The following MIPOL1 variants were observed in gnomAD, a reference collection of about 807,000 sequenced individuals.
MIPOL1 encodes the protein mirror-image polydactyly gene 1 protein.
A neutral mutation model predicts 60.9 loss-of-function variants in MIPOL1; 57 were observed. That is an observed-to-expected ratio of 0.94 (90% confidence interval 0.76 to 1.17). The LOEUF (loss-of-function observed/expected upper bound fraction) is 1.17, where lower values mean the gene tolerates loss of function less well. MIPOL1 is among the 50% of genes most tolerant of loss of function. The probability of loss-of-function intolerance (pLI) is 0.00; values close to 1 mark genes in which losing one functional copy is unlikely to be tolerated. For synonymous variants in MIPOL1, 179 were observed against 168.8 expected (o/e 1.06, Z -0.47); for missense variants, 551 against 511.6 (o/e 1.08, Z -0.74).
rs113318199 is a variant in MIPOL1 at position 37,456,875 on chromosome 14, C to T, written c.1031+33926C>T. On this transcript the variant is annotated intron_variant, in intron 11 of 12. Transcript: ENST00000684589. ...AGAATCTTTTGGAATAAAGTATGAA[C>T]ATATGAAAACTCACTCTACAGACAA... Among the ~76,000 whole-genome samples the T allele has an allele frequency of 2.1e-3, 323 of 152,088 alleles. 1 individual carries two copies. The highest frequency in any genetic ancestry group is 7.2e-3 in the African/African-American group (301 of 41,524).
In MIPOL1 at chr14:37,356,792, C is replaced by A. The variant is rs182479259; in HGVS notation, c.829-12725C>A. Among the ~76,000 whole-genome samples, 21 of 152,282 alleles carry A rather than the reference C, an allele frequency of 1.4e-4. 1 individual carries two copies. The highest frequency in any genetic ancestry group is 1.2e-3 in the Admixed American group (18 of 15,302). On this transcript the variant is annotated intron_variant, in intron 9 of 12. Coordinates refer to ENST00000684589, the MANE Select transcript of MIPOL1 (RefSeq NM_001388067.1). ...CACGCACGGTGCGCGAACCCACTGA[C>A]CTGCGCCCACTGTCTGGCAGTCCCT... is the stretch of plus-strand genomic sequence containing the variant.
intron 1 of MIPOL1, among the ~76,000 whole-genome samples, chr14:37,241,747 A>T (rs1258666601): frequency 6.6e-6 from 1 of 152,170 alleles, no homozygotes; most frequent in East Asian, 1.9e-4. Context: ...TTCATTATAA[A>T]TTTTTTAAAC....
intron 9 of MIPOL1, among the ~76,000 whole-genome samples, chr14:37,343,008 G>T (rs980390477): frequency 6.7e-6 from 1 of 149,680 alleles, no homozygotes; most frequent in Admixed American, 6.7e-5. Flanking sequence ...TTATATATAT[G>T]TATAAATATA....
At chr14:37,494,455 G>C (rs2095089029) in intron 11 of MIPOL1, among the ~76,000 whole-genome samples, 1 of 152,132 alleles carries the variant, frequency 6.6e-6, no homozygotes, top group East Asian at 1.9e-4. Flanking sequence ...TAGAAGCATG[G>C]GTGGAAAGGC....
At chr14:37,246,311 C>T (rs1328043017) in intron 1 of MIPOL1, among the ~76,000 whole-genome samples, 2 of 151,882 alleles carry the variant, frequency 1.3e-5, no homozygotes, top group Non-Finnish European at 2.9e-5. Flanking sequence ...TAGAAATCAC[C>T]TATATGAAAT....
chr14:37,304,280 T>G (rs1409288866), intron 7 of MIPOL1, among the ~76,000 whole-genome samples: 1 of 151,814 alleles, frequency 6.6e-6, no homozygotes, highest in Non-Finnish European at 1.5e-5. Flanking sequence ...CTGCTTTGTC[T>G]TATTCTGCCT....
chr14:37,470,863 A>G (rs1350119241), intron 11 of MIPOL1, among the ~76,000 whole-genome samples: 3 of 152,150 alleles, frequency 2.0e-5, no homozygotes, highest in African/African-American at 7.2e-5. Flanking sequence ...TTCTAGAAAG[A>G]ATTGGTCTCA....
chr14:37,393,813 C>G (rs2093308848), intron 10 of MIPOL1, among the ~76,000 whole-genome samples: 1 of 151,108 alleles, frequency 6.6e-6, no homozygotes. Context: ...GCAATATACA[C>G]TGCACCCTGT....
At chr14:37,209,046 A>T (rs550974850) in intron 1 of MIPOL1, among the ~76,000 whole-genome samples, 7 of 152,332 alleles carry the variant, frequency 4.6e-5, no homozygotes, top group South Asian at 4.1e-4. Context: ...AATTAATAAT[A>T]CTACTTATTA....
rs1427961816 is a variant in MIPOL1, at chr14:37,500,267, G to A, written c.1262+129G>A. 6 of 738,558 alleles carry A rather than the reference G, an allele frequency of 8.1e-6. No individual in the cohort carries two copies. In the East Asian group the frequency reaches 1.4e-4, roughly 17 times the overall value. 45.8% of individuals were successfully genotyped at this position (738,558 alleles called of 1,614,324 possible). A position where few individuals can be genotyped will look rare whatever the true frequency, so the allele number is the denominator to read the frequency against. ...TTAGAACAAAAGTAGAATTAACCCA[G>A]TGAACTTTTTTAGATTGGATACCAT... On this transcript the variant is annotated intron_variant, in intron 12 of 12. Transcript: ENST00000684589.
chr14:37,251,689 A>C (rs186597854), intron 3 of MIPOL1, among the ~76,000 whole-genome samples: 1 of 152,158 alleles, frequency 6.6e-6, no homozygotes, highest in Admixed American at 6.5e-5. Flanking sequence ...AAAAAGACAT[A>C]GAGATCGTAA....
intron 11 of MIPOL1, among the ~76,000 whole-genome samples, chr14:37,452,730 A>G (rs928434832): frequency 2.0e-5 from 3 of 152,244 alleles, no homozygotes; most frequent in Admixed American, 6.5e-5. Context: ...GGCACTATCC[A>G]TGAAAAATAA....
At chr14:37,359,484 A>AT (rs1233999952) in intron 9 of MIPOL1, among the ~76,000 whole-genome samples, 1 of 152,066 alleles carries the variant, frequency 6.6e-6, no homozygotes, top group East Asian at 1.9e-4. Context: ...ATGTTCTTCC[A>AT]TTTGTTTGTC....
intron 10 of MIPOL1, among the ~76,000 whole-genome samples, chr14:37,411,382 A>G (rs1041217344): frequency 1.3e-5 from 2 of 152,106 alleles, no homozygotes; most frequent in African/African-American, 4.8e-5. Flanking sequence ...AAAAGCGTGT[A>G]TTTTAGATAT....
intron 10 of MIPOL1, among the ~76,000 whole-genome samples, chr14:37,419,524 C>CT (rs2093832576): frequency 6.6e-6 from 1 of 152,188 alleles, no homozygotes; most frequent in East Asian, 1.9e-4. Flanking sequence ...CATATGTGTA[C>CT]TTACTTGCAT....
intron 11 of MIPOL1, among the ~76,000 whole-genome samples, chr14:37,460,177 G>A (rs900209507): frequency 1.3e-5 from 2 of 151,846 alleles, no homozygotes; most frequent in Non-Finnish European, 2.9e-5. Flanking sequence ...CAATCAAATG[G>A]GTTTCATTCC....
intron 10 of MIPOL1, among the ~76,000 whole-genome samples, chr14:37,384,564 C>T (rs929443618): frequency 3.3e-5 from 5 of 151,728 alleles, no homozygotes; most frequent in African/African-American, 9.7e-5. Flanking sequence ...TTTCAGAGAA[C>T]ATTTCTTACA....
chr14:37,452,540 G>A (rs1425828178), intron 11 of MIPOL1, among the ~76,000 whole-genome samples: 4 of 152,036 alleles, frequency 2.6e-5, no homozygotes, highest in Non-Finnish European at 5.9e-5. Flanking sequence ...TACTACTTTG[G>A]GGGACTGTCT....
chr14:37,409,171 A>T (rs142631894), intron 10 of MIPOL1, among the ~76,000 whole-genome samples: 1 of 152,290 alleles, frequency 6.6e-6, no homozygotes, highest in Non-Finnish European at 1.5e-5. Context: ...CAAGATTATT[A>T]TCAGGAAAAT....
Sources: gnomAD v4.1 joint callset for allele counts (sites outside exome capture counted in the v4.1 genomes callset) on GRCh38, gnomAD v4.1.1 for gene constraint, MANE v1.5 for transcripts, NCBI Gene and HGNC (gene_info 2026-07-23, HGNC 2026-07-21) for gene names.